Variants in ZNF544 observed in about 807,000 individuals in gnomAD.
ZNF544 encodes the protein zinc finger protein AF020591.
ZNF544 carries 10 observed loss-of-function variants against 13.5 expected under a neutral mutation model. That is an observed-to-expected ratio of 0.74 (90% CI 0.46 to 1.25). The LOEUF (loss-of-function observed/expected upper bound fraction) is 1.25, where lower values mean the gene tolerates loss of function less well. Ranked by LOEUF, ZNF544 falls within the 50% of genes most tolerant of loss-of-function variation. The pLI, the probability that ZNF544 is intolerant of heterozygous loss-of-function variation, is 0.00. For synonymous variants in ZNF544, 323 were observed against 300.5 expected (o/e 1.07, Z -0.77); for missense variants, 896 against 845.6 (o/e 1.06, Z -0.74).
chr19:58,250,162 A>G (rs1321358120), intron 6 of ZNF544, among the ~76,000 whole-genome samples: 2 of 152,236 alleles, frequency 1.3e-5, no homozygotes, highest in African/African-American at 2.4e-5. Flanking sequence ...AGAATTTTCT[A>G]TGGTAAACAT....
intron 3 of ZNF544, among the ~76,000 whole-genome samples, chr19:58,241,189 T>TAATATATATATA (rs1600250341): frequency 2.5e-5 from 1 of 39,642 alleles, no homozygotes; most frequent in African/African-American, 9.0e-5. Flanking sequence ...ATTTTTTTTT[T>TAATATATATATA]TTTGTAGAGA....
chr19:58,246,874 A>G, intron 6 of ZNF544, 80 bp downstream of exon 6: 1 of 1,407,884 alleles, frequency 7.1e-7, no homozygotes, highest in Non-Finnish European at 9.8e-7. Flanking sequence ...CCAGGGGCCA[A>G]GGAGGGAGCC....
At chr19:58,240,510 G>GT (rs2043345073) in intron 3 of ZNF544, among the ~76,000 whole-genome samples, 2 of 152,014 alleles carry the variant, frequency 1.3e-5, no homozygotes, top group Admixed American at 6.6e-5. Flanking sequence ...GCACACCTCA[G>GT]CCTCCCAAAG....
Position 58,261,549 on chromosome 19 carries a change from C to T in ZNF544, c.943C>T (p.Gln315Ter). ...ETCSESLCLV[Q>*]TERSGPGETP... ...CTGTTCTGAGAGTCTGTGCCTTGTACAAACAGAAAGAAGTGGCCCTGGAGA... is the reference window on the plus strand; with the variant it reads ...CTGTTCTGAGAGTCTGTGCCTTGTATAAACAGAAAGAAGTGGCCCTGGAGA... Residue 315 changes from glutamine to a stop codon, truncating the protein, a stop_gained, in exon 7 of 7, where the codon CAA becomes TAA. Coordinates refer to ENST00000687789, the MANE Select transcript of ZNF544 (RefSeq NM_014480.4). LOFTEE classifies it low-confidence loss of function (END_TRUNC). 1 of 1,614,166 alleles carries T rather than the reference C, an allele frequency of 6.2e-7. No individual in the cohort carries two copies. Among genetic ancestry groups the T allele is most frequent in the African/African-American group, 1.3e-5 (1 of 75,044 alleles).
chr19:58,255,634 A>G (rs1386058553), intron 6 of ZNF544, among the ~76,000 whole-genome samples: 1 of 152,228 alleles, frequency 6.6e-6, no homozygotes, highest in Non-Finnish European at 1.5e-5. Context: ...CGAGTAAGAG[A>G]AGGTAAGTCA....
At chr19:58,273,470 C>T (rs1021404290) in intron 5 of ZNF544, among the ~76,000 whole-genome samples, 1 of 152,084 alleles carries the variant, frequency 6.6e-6, no homozygotes, top group South Asian at 2.1e-4. Context: ...GTGGGCGGAT[C>T]ACCAGGTCAG....
intron 5 of ZNF544, among the ~76,000 whole-genome samples, chr19:58,272,834 C>G (rs1037656715): frequency 1.0e-4 from 15 of 150,298 alleles, no homozygotes; most frequent in Non-Finnish European, 2.1e-4. Context: ...GATCGTGCCA[C>G]TGCACTCCAG....
At chr19:58,232,836 A>T (rs1369871339) in intron 3 of ZNF544, among the ~76,000 whole-genome samples, 2 of 149,624 alleles carry the variant, frequency 1.3e-5, no homozygotes, top group Non-Finnish European at 3.0e-5. Flanking sequence ...AGTCCCAGCT[A>T]CTCTGGAGGC....
intron 6 of ZNF544, 78 bp from the exon 7 acceptor site, chr19:58,260,773 A>C (rs1230035009): frequency 7.7e-7 from 1 of 1,299,828 alleles, no homozygotes; most frequent in East Asian, 2.5e-5. Context: ...TCCATTAAAC[A>C]GTTGTCTCCT....
intron 6 of ZNF544, among the ~76,000 whole-genome samples, chr19:58,255,013 G>A (rs1453723238): frequency 2.0e-5 from 3 of 151,440 alleles, no homozygotes; most frequent in Middle Eastern, 3.2e-3. Context: ...TCAGCCTCCT[G>A]AGTAGCTGGG....
At chr19:58,250,351 G>A (rs933225396) in intron 6 of ZNF544, among the ~76,000 whole-genome samples, 1 of 152,186 alleles carries the variant, frequency 6.6e-6, no homozygotes, top group Non-Finnish European at 1.5e-5. Context: ...GTTTCGTACT[G>A]GGGAACCAAA....
At chr19:58,235,403 G>A (rs1046839158) in intron 3 of ZNF544, among the ~76,000 whole-genome samples, 2 of 152,166 alleles carry the variant, frequency 1.3e-5, no homozygotes, top group Non-Finnish European at 2.9e-5. Context: ...TGACCAGAAC[G>A]TCATTATGGG....
chr19:58,268,310 TAAATAA>T (rs1359672548), downstream of ZNF544, among the ~76,000 whole-genome samples: 5 of 151,850 alleles, frequency 3.3e-5, no homozygotes, highest in Non-Finnish European at 5.9e-5. Context: ...TCAGAAAAAA[TAAATAA>T]AAATAAAAAA....
intron 3 of ZNF544, among the ~76,000 whole-genome samples, chr19:58,238,704 C>T (rs957513336): frequency 6.6e-5 from 10 of 152,100 alleles, no homozygotes; most frequent in African/African-American, 2.4e-4. Context: ...TCCTCTGTCT[C>T]TGGTCCTCCC....
chr19:58,235,739 A>G (rs1288253483), intron 3 of ZNF544, among the ~76,000 whole-genome samples: 1 of 152,212 alleles, frequency 6.6e-6, no homozygotes, highest in East Asian at 1.9e-4. Flanking sequence ...TAAAAAATAA[A>G]TTAACTTTAA....
Position 58,261,025 on chromosome 19 carries a change from T to C in ZNF544, c.419T>C (p.Leu140Ser), listed in dbSNP as rs1378606005. ...NQLREHQENS[L>S]RFMVLTSERL... ...TTAAGGGAACACCAGGAGAACTCCT[T>C]GAGGTTCATGGTACTCACCTCAGAG... Residue 140 changes from leucine (L) to serine (S), a missense_variant, in exon 7 of 7, where the codon TTG becomes TCG. Coordinates refer to ENST00000687789, the MANE Select transcript of ZNF544 (RefSeq NM_014480.4). 6.2e-7 allele frequency: 1 copy of C among 1,614,194 alleles called. No individual in the cohort carries two copies. The highest frequency in any genetic ancestry group is 1.3e-5 in the African/African-American group (1 of 75,054).
In ZNF544 at chr19:58,261,347, T is replaced by C. The variant is rs1366956574; in HGVS notation, c.741T>C (p.Ser247=). 3 of 1,614,078 alleles carry C rather than the reference T, an allele frequency of 1.9e-6. No homozygotes were observed. In the African/African-American group the frequency reaches 4.0e-5, roughly 22 times the overall value. ...AAAACCCTTATGAATATATTGTCAG[T>C]GGTGACTCTCTCAACTATGGTTCCT... ...GKKNPYEYIV[S]GDSLNYGSSL... Residue 247 remains serine (S), a synonymous_variant, in exon 7 of 7, where the codon AGT becomes AGC. Coordinates refer to ENST00000687789, the MANE Select transcript of ZNF544 (RefSeq NM_014480.4).
chr19:58,241,003 A>G (rs1457066515), intron 3 of ZNF544, among the ~76,000 whole-genome samples: 5 of 147,512 alleles, frequency 3.4e-5, no homozygotes, highest in Non-Finnish European at 6.0e-5. Context: ...ACAGGGTCTC[A>G]TTCTGTCACC....
chr19:58,276,177 A>C (rs1319272448), intron 5 of ZNF544: 5 of 401,198 alleles, frequency 1.2e-5, no homozygotes, highest in South Asian at 2.7e-4. Context: ...ACCCTGTCTC[A>C]AAAAACAAAT....
Sources: allele counts gnomAD v4.1 joint callset (sites outside exome capture counted in the v4.1 genomes callset), GRCh38; gene constraint gnomAD v4.1.1; transcripts MANE v1.5; gene names NCBI Gene and HGNC (gene_info 2026-07-23, HGNC 2026-07-21).